Variants in PTPRD observed in about 807,000 individuals in gnomAD.
PTPRD encodes the protein receptor-type tyrosine-protein phosphatase delta.
Under a neutral mutation model 214.5 loss-of-function variants are expected in PTPRD, and 34 were observed. The observed-to-expected ratio is 0.16, with a 90% confidence interval of 0.12 to 0.21. The LOEUF (loss-of-function observed/expected upper bound fraction) is 0.21, where lower values mean the gene tolerates loss of function less well. Among genes scored for constraint, PTPRD ranks in the 10% least tolerant of loss-of-function variants. The pLI is 1.00. For missense variants in PTPRD, 2,545 were observed against 2,398.7 expected, an observed-to-expected ratio of 1.06 and a Z score of -1.27; for synonymous variants, 1,128 against 845.7, an observed-to-expected ratio of 1.33 and a Z score of -5.79.
chr9:8,339,784 G>GTATT (rs1397037461), intron 42 of PTPRD, among the ~76,000 whole-genome samples: 5 of 150,864 alleles, frequency 3.3e-5, no homozygotes, highest in African/African-American at 4.9e-5. Flanking sequence ...TGGTAGAGCA[G>GTATT]TATTAATAGT....
intron 4 of PTPRD, among the ~76,000 whole-genome samples, chr9:9,939,170 A>G (rs947273592): frequency 2.0e-5 from 3 of 152,156 alleles, no homozygotes; most frequent in African/African-American, 7.2e-5. Context: ...GAGTGTTGCT[A>G]CTATGGAAAT....
intron 10 of PTPRD, among the ~76,000 whole-genome samples, chr9:9,082,857 C>A (rs2099761295): frequency 6.6e-6 from 1 of 152,030 alleles, no homozygotes; most frequent in Non-Finnish European, 1.5e-5. Flanking sequence ...ATGTGAAGGA[C>A]CTCTTCAAGG....
At chr9:9,294,190 A>C (rs1442563765) in intron 9 of PTPRD, among the ~76,000 whole-genome samples, 14 of 151,684 alleles carry the variant, frequency 9.2e-5, no homozygotes, top group Non-Finnish European at 1.5e-5. Context: ...GTGAAATGTA[A>C]AACTTATGAA....
chr9:10,039,894 T>C (rs1014786786), intron 3 of PTPRD, among the ~76,000 whole-genome samples: 3 of 152,060 alleles, frequency 2.0e-5, no homozygotes, highest in Non-Finnish European at 2.9e-5. Context: ...GAGACATCTA[T>C]GATTTAAAAT....
chr9:8,645,762 T>A (rs2096673456), intron 12 of PTPRD, among the ~76,000 whole-genome samples: 1 of 121,646 alleles, frequency 8.2e-6, no homozygotes, highest in Admixed American at 8.9e-5. Flanking sequence ...TTCTAACTGC[T>A]TGAAAGATTA....
At chr9:9,973,530 C>T (rs1246261682) in intron 4 of PTPRD, among the ~76,000 whole-genome samples, 1 of 151,894 alleles carries the variant, frequency 6.6e-6, no homozygotes, top group Admixed American at 6.6e-5. Context: ...CTTGGTCTAA[C>T]TTATTCAGAA....
chr9:9,501,573 A>AAC (rs1449414353), intron 8 of PTPRD, among the ~76,000 whole-genome samples: 17 of 151,942 alleles, frequency 1.1e-4, no homozygotes, highest in Admixed American at 4.6e-4. Flanking sequence ...GTTCTAGTTA[A>AAC]TGTATATCAA....
intron 3 of PTPRD, among the ~76,000 whole-genome samples, chr9:10,296,159 T>C (rs2095666604): frequency 6.6e-6 from 1 of 152,108 alleles, no homozygotes; most frequent in African/African-American, 2.4e-5. Flanking sequence ...AGATAAAGTA[T>C]TTTCTATTCA....
At chr9:9,562,195 C>G (rs186166416) in intron 8 of PTPRD, among the ~76,000 whole-genome samples, 1 of 152,048 alleles carries the variant, frequency 6.6e-6, no homozygotes, top group Admixed American at 6.6e-5. Flanking sequence ...AAGTTCTTAG[C>G]TCTCAAATCC....
chr9:9,453,570 G>T (rs1010476707), intron 8 of PTPRD, among the ~76,000 whole-genome samples: 1 of 151,390 alleles, frequency 6.6e-6, no homozygotes, highest in Non-Finnish European at 1.5e-5. Context: ...GGTAACTCTT[G>T]GTAATTACCA....
intron 11 of PTPRD, among the ~76,000 whole-genome samples, chr9:8,875,861 A>G (rs1354681207): frequency 6.6e-6 from 1 of 152,126 alleles, no homozygotes; most frequent in Non-Finnish European, 1.5e-5. Flanking sequence ...TGCTTTCCTC[A>G]TGAAGGAGGA....
intron 9 of PTPRD, among the ~76,000 whole-genome samples, chr9:9,373,852 T>C (rs1412476570): frequency 6.6e-6 from 1 of 152,166 alleles, no homozygotes; most frequent in Non-Finnish European, 1.5e-5. Flanking sequence ...CTCTTTTACA[T>C]TTTATATTGG....
intron 10 of PTPRD, among the ~76,000 whole-genome samples, chr9:9,087,416 CTG>C (rs1283890996): frequency 1.3e-5 from 2 of 152,108 alleles, no homozygotes; most frequent in Non-Finnish European, 2.9e-5. Context: ...ATGAGAAAAA[CTG>C]TGAGAAGGTC....
intron 11 of PTPRD, among the ~76,000 whole-genome samples, chr9:8,749,268 G>A (rs959535138): frequency 1.3e-5 from 2 of 152,072 alleles, no homozygotes; most frequent in East Asian, 1.9e-4. Context: ...AGCAATTTCC[G>A]CCTCCGGGTT....
rs1341951210 is a variant in PTPRD at position 8,486,141 on chromosome 9, G to C, written c.2676C>G (p.Val892=). The change falls in exon 28 of 46, where the codon GTC becomes GTG. Residue 892 remains valine (V), a synonymous_variant. Transcript: ENST00000381196. ...CTTTGTTTCTGGCTGAGAGCCTGAA[G>C]ACGTATGATGCTCCCTTGTGGATGT... is the stretch of plus-strand genomic sequence containing the variant. ...ATDIHKGASY[V]FRLSARNKVG... 3 of 1,614,080 alleles carry C rather than the reference G, an allele frequency of 1.9e-6. No individual in the cohort carries two copies. The African/African-American group carries it at 4.0e-5, about 22-fold the overall frequency.
At chr9:9,680,503 T>G (rs2154397038) in intron 7 of PTPRD, among the ~76,000 whole-genome samples, 1 of 151,992 alleles carries the variant, frequency 6.6e-6, no homozygotes, top group South Asian at 2.1e-4. Flanking sequence ...CCACTATTAA[T>G]GAGAAATAGT....
At chr9:10,311,704 G>T (rs541981314) in intron 3 of PTPRD, among the ~76,000 whole-genome samples, 24 of 152,148 alleles carry the variant, frequency 1.6e-4, no homozygotes, top group African/African-American at 5.5e-4. Flanking sequence ...ATTGATAGTA[G>T]TGGCATTGTA....
chr9:10,311,660 T>A (rs1462407817), intron 3 of PTPRD, among the ~76,000 whole-genome samples: 1 of 152,060 alleles, frequency 6.6e-6, no homozygotes. Flanking sequence ...AAAGCTACCT[T>A]TAAAACAGAA....
chr9:8,528,524 T>C, intron 15 of PTPRD, 67 bp downstream of exon 15: 1 of 1,310,382 alleles, frequency 7.6e-7, no homozygotes, highest in Non-Finnish European at 1.1e-6. Context: ...AAATTAAAAA[T>C]AAGGAGAGAG....
Sources: allele counts gnomAD v4.1 joint callset (sites outside exome capture counted in the v4.1 genomes callset), GRCh38; gene constraint gnomAD v4.1.1; transcripts MANE v1.5; gene names NCBI Gene and HGNC (gene_info 2026-07-23, HGNC 2026-07-21).